AAK1: variants seen among roughly 807,000 people sequenced by gnomAD.
The protein encoded by AAK1 is AP2-associated protein kinase 1.
A neutral mutation model predicts 116.0 loss-of-function variants in AAK1; 37 were observed. The observed-to-expected ratio is 0.32, with a 90% CI of 0.25 to 0.42. The LOEUF is 0.42. AAK1 is among the 10% of genes least tolerant of loss of function. AAK1 has a pLI of 1.00. For synonymous variants in AAK1, 458 were observed against 439.9 expected (o/e 1.04, Z -0.51); for missense variants, 919 against 1,170.6 (o/e 0.79, Z 3.14).
rs1675831938 is a variant in AAK1, at chr2:69,643,289, G to A, written c.-234-15C>T. 7.3e-7 allele frequency: 1 copy of A among 1,372,470 alleles called. No individual in the cohort carries two copies. 85.0% of individuals were successfully genotyped at this position (1,372,470 alleles called of 1,614,324 possible). ...TAAGTTTAAACCTGTGATGACAGAGGAAGAAAGAGAGGATGAATCAGTAAC... is the reference window on the plus strand; with the variant it reads ...TAAGTTTAAACCTGTGATGACAGAGAAAGAAAGAGAGGATGAATCAGTAAC... On this transcript the variant is annotated splice_polypyrimidine_tract_variant and intron_variant, in intron 1 of 21. Transcript: ENST00000409085.
intron 3 of AAK1, among the ~76,000 whole-genome samples, chr2:69,548,092 A>T (rs1486624966): frequency 6.6e-6 from 1 of 152,180 alleles, no homozygotes; most frequent in Non-Finnish European, 1.5e-5. Context: ...GGAGAGGGGG[A>T]ATAAGGAAAG....
chr2:69,475,573 C>A lies in AAK1; in HGVS notation c.*296G>T. 1 of 1,129,298 alleles carries A rather than the reference C, an allele frequency of 8.9e-7. No homozygotes were observed. The highest frequency in any genetic ancestry group is 3.5e-5 in the South Asian group (1 of 28,950). 70.0% of individuals were successfully genotyped at this position (1,129,298 alleles called of 1,614,324 possible). A position where few individuals can be genotyped will look rare whatever the true frequency, so the allele number is the denominator to read the frequency against. On this transcript the variant is annotated 3_prime_UTR_variant, in exon 22 of 22. Transcript: ENST00000409085. ...GTTAAGCTTTTGGTGGAGTTGATTC[C>A]AGCAGAGGTGAAGCTCATGGCATCT... is the stretch of plus-strand genomic sequence containing the variant.
At chr2:69,544,627 T>A in intron 3 of AAK1, 83 bp from the exon 4 acceptor site, 1 of 958,174 alleles carries the variant, frequency 1.0e-6, no homozygotes, top group East Asian at 2.5e-5. Context: ...TTAGCACAGA[T>A]AATTTAAATA....
chr2:69,638,248 T>C (rs1306492743), intron 2 of AAK1, among the ~76,000 whole-genome samples: 1 of 152,208 alleles, frequency 6.6e-6, no homozygotes, highest in African/African-American at 2.4e-5. Flanking sequence ...TAGTCCTTCC[T>C]TTTCTCTCCA....
At chr2:69,512,246 A>C (rs1398947468) in intron 13 of AAK1, among the ~76,000 whole-genome samples, 4 of 152,218 alleles carry the variant, frequency 2.6e-5, no homozygotes, top group Non-Finnish European at 4.4e-5. Flanking sequence ...CACATCAAGA[A>C]ATGTAAGAAT....
rs1250982829 is a variant in AAK1 at position 69,643,135 on chromosome 2, C to A, written c.-95G>T. Reference sequence around the variant, plus strand: ...AAGAAAAGAGATCCAAGGATTTCTTCTCAGATTTCACCTCGGAGAGGAGCC... The same window carrying A: ...AAGAAAAGAGATCCAAGGATTTCTTATCAGATTTCACCTCGGAGAGGAGCC... On this transcript the variant is annotated 5_prime_UTR_variant, in exon 2 of 22. Transcript: ENST00000409085. 1 of 1,379,550 alleles carries A rather than the reference C, an allele frequency of 7.2e-7. No homozygotes were observed. Among genetic ancestry groups the A allele is most frequent in the Non-Finnish European group, 9.3e-7 (1 of 1,078,486 alleles). 85.5% of individuals were successfully genotyped at this position (1,379,550 alleles called of 1,614,324 possible).
At chr2:69,625,316 T>C (rs1674846132) in intron 2 of AAK1, among the ~76,000 whole-genome samples, 1 of 152,136 alleles carries the variant, frequency 6.6e-6, no homozygotes, top group Non-Finnish European at 1.5e-5. Context: ...AACAGTCTCA[T>C]AAGGAAGCGG....
intron 9 of AAK1, among the ~76,000 whole-genome samples, chr2:69,525,391 T>C (rs1669980617): frequency 6.6e-6 from 1 of 152,220 alleles, no homozygotes. Context: ...TTCTGTACCA[T>C]GGTGAGTCAC....
chr2:69,623,274 C>T (rs1360691614), intron 2 of AAK1, among the ~76,000 whole-genome samples: 1 of 152,200 alleles, frequency 6.6e-6, no homozygotes, highest in Non-Finnish European at 1.5e-5. Context: ...CTGCGAGGGT[C>T]CGCGGCTTCA....
At chr2:69,510,871 T>A (rs1676366901) in intron 13 of AAK1, among the ~76,000 whole-genome samples, 1 of 152,030 alleles carries the variant, frequency 6.6e-6, no homozygotes, top group Non-Finnish European at 1.5e-5. Flanking sequence ...AAAAAAAAGG[T>A]CCTGATGATG....
chr2:69,642,370 C>CAAG (rs1348606277), intron 2 of AAK1, among the ~76,000 whole-genome samples: 1 of 152,140 alleles, frequency 6.6e-6, no homozygotes, highest in Admixed American at 6.5e-5. Flanking sequence ...TGAAATCCAC[C>CAAG]AAGAGCCTTG....
chr2:69,640,053 A>ACACTCTCTCTCT (rs1343518565), intron 2 of AAK1, among the ~76,000 whole-genome samples: 38 of 92,788 alleles, frequency 4.1e-4, no homozygotes, highest in African/African-American at 1.9e-3. Context: ...ACACACACAC[A>ACACTCTCTCTCT]CTCTCTCTCT....
At chr2:69,568,425 CT>C (rs61271799) in intron 2 of AAK1, among the ~76,000 whole-genome samples, 7,966 of 122,200 alleles carry the variant, frequency 0.065, 658 homozygotes, top group African/African-American at 0.2. Context: ...ATGTTTTCAA[CT>C]TTTTTTTTTT....
intron 2 of AAK1, among the ~76,000 whole-genome samples, chr2:69,618,949 A>G (rs543495978): frequency 1.3e-5 from 2 of 151,654 alleles, no homozygotes; most frequent in East Asian, 3.9e-4. Flanking sequence ...TGACTCTTCC[A>G]TTTTCTTTCA....
intron 17 of AAK1, among the ~76,000 whole-genome samples, chr2:69,485,536 G>A (rs1675260618): frequency 1.3e-5 from 2 of 152,176 alleles, no homozygotes; most frequent in African/African-American, 4.8e-5. Flanking sequence ...ATGACTGAAG[G>A]TAAGGAAGGG....
At chr2:69,514,781 C>G (rs779537561) in intron 12 of AAK1, 32 bp from the exon 13 acceptor site, 2 of 1,530,572 alleles carry the variant, frequency 1.3e-6, no homozygotes, top group Admixed American at 4.2e-5. Context: ...GAATAAGGGC[C>G]TGTCCCAGAA....
At chr2:69,591,117 G>A (rs559259140) in intron 2 of AAK1, among the ~76,000 whole-genome samples, 10 of 152,350 alleles carry the variant, frequency 6.6e-5, no homozygotes, top group African/African-American at 1.9e-4. Flanking sequence ...AATATCTACA[G>A]TTAAGGAGTT....
intron 2 of AAK1, among the ~76,000 whole-genome samples, chr2:69,581,540 C>T (rs1328415728): frequency 6.6e-6 from 1 of 152,060 alleles, no homozygotes; most frequent in African/African-American, 2.4e-5. Flanking sequence ...ATGGACTGGC[C>T]CACCTGCCGA....
chr2:69,488,385 T>C (rs759444723), intron 17 of AAK1, among the ~76,000 whole-genome samples: 39 of 152,088 alleles, frequency 2.6e-4, no homozygotes, highest in Non-Finnish European at 4.1e-4. Context: ...TACCTTTTAT[T>C]GTGATACTAT....
Sources: gnomAD v4.1 joint callset for allele counts (sites outside exome capture counted in the v4.1 genomes callset) on GRCh38, gnomAD v4.1.1 for gene constraint, MANE v1.5 for transcripts, NCBI Gene and HGNC (gene_info 2026-07-23, HGNC 2026-07-21) for gene names.